The following CDH4 variants were observed in gnomAD, a reference collection of about 807,000 sequenced individuals.
CDH4 encodes the protein cadherin-4.
CDH4 carries 33 observed loss-of-function variants against 86.0 expected under a neutral mutation model. The ratio of observed to expected loss-of-function variants is 0.38; its 90% CI spans 0.29 to 0.51. The LOEUF is 0.51. Ranked by LOEUF, CDH4 falls within the 20% of genes least tolerant of loss-of-function variation. CDH4 has a pLI of 0.86. For synonymous variants in CDH4, 555 were observed against 549.4 expected (o/e 1.01, Z -0.14); for missense variants, 1,114 against 1,307.4 (o/e 0.85, Z 2.28).
At chr20:61,702,094 C>A (rs762681854) in intron 2 of CDH4, among the ~76,000 whole-genome samples, 35 of 152,188 alleles carry the variant, frequency 2.3e-4, no homozygotes, top group Non-Finnish European at 3.8e-4. Flanking sequence ...GGGAAGAAAG[C>A]GTCTTCTTCA....
intron 2 of CDH4, among the ~76,000 whole-genome samples, chr20:61,716,037 GTGC>G (rs2087948931): frequency 1.3e-5 from 2 of 152,236 alleles, no homozygotes; most frequent in Non-Finnish European, 2.9e-5. Flanking sequence ...AGCAGCCCCA[GTGC>G]CAGCTGGGGC....
chr20:61,457,960 A>G (rs563866435), intron 2 of CDH4, among the ~76,000 whole-genome samples: 1 of 144,436 alleles, frequency 6.9e-6, no homozygotes, highest in South Asian at 2.2e-4. Context: ...TGGTGATGGT[A>G]TAGTCATGGT....
At chr20:61,823,399 G>GTGA (rs777905914) in intron 4 of CDH4, among the ~76,000 whole-genome samples, 1 of 151,012 alleles carries the variant, frequency 6.6e-6, no homozygotes, top group East Asian at 2.0e-4. Flanking sequence ...GAATAATAAT[G>GTGA]TGATGATGAT....
intron 7 of CDH4, among the ~76,000 whole-genome samples, chr20:61,891,925 G>A (rs1340751252): frequency 1.3e-5 from 2 of 152,120 alleles, no homozygotes; most frequent in Non-Finnish European, 2.9e-5. Flanking sequence ...CCAGGTGGCA[G>A]TGGCTTACAC....
At chr20:61,366,957 T>C (rs73134330) in intron 2 of CDH4, among the ~76,000 whole-genome samples, 26,769 of 151,932 alleles carry the variant, frequency 0.18, 3,034 homozygotes, top group East Asian at 0.36. Flanking sequence ...CAACTGGAGC[T>C]TGGGCCCTTT....
chr20:61,437,244 A>C (rs866283233), intron 2 of CDH4: 1 of 152,290 alleles, frequency 6.6e-6, no homozygotes, highest in Non-Finnish European at 1.5e-5. Flanking sequence ...TCGTCTAGCA[A>C]GATCCTAGGC....
chr20:61,658,771 C>A (rs74317710), intron 2 of CDH4, among the ~76,000 whole-genome samples: 2 of 152,290 alleles, frequency 1.3e-5, no homozygotes, highest in South Asian at 2.1e-4. Flanking sequence ...ACCACCCCCC[C>A]ACTCCCAGGC....
intron 2 of CDH4, among the ~76,000 whole-genome samples, chr20:61,508,411 T>C (rs114020103): frequency 0.021 from 3,241 of 152,228 alleles, 120 homozygotes; most frequent in African/African-American, 0.071. Flanking sequence ...CCCCAACCCA[T>C]TGGCTGGCTG....
At chr20:61,425,728 G>A (rs961183699) in intron 2 of CDH4, among the ~76,000 whole-genome samples, 11 of 152,146 alleles carry the variant, frequency 7.2e-5, no homozygotes, top group African/African-American at 2.7e-4. Flanking sequence ...CAAAGGCCCC[G>A]CCCAGGGCAG....
chr20:61,435,420 G>C (rs189408334), intron 2 of CDH4, among the ~76,000 whole-genome samples: 13 of 152,378 alleles, frequency 8.5e-5, no homozygotes, highest in African/African-American at 1.7e-4. Flanking sequence ...AGATCCCTAG[G>C]GGGGCTCTGC....
At chr20:61,589,964 A>C (rs1485238310) in intron 2 of CDH4, among the ~76,000 whole-genome samples, 1 of 151,894 alleles carries the variant, frequency 6.6e-6, no homozygotes, top group Non-Finnish European at 1.5e-5. Context: ...CCAGGAGGCC[A>C]GGGTCGGGAA....
chr20:61,685,226 C>T (rs2087561185), intron 2 of CDH4, among the ~76,000 whole-genome samples: 2 of 152,172 alleles, frequency 1.3e-5, no homozygotes. Flanking sequence ...TAAGGGTCTC[C>T]CATGCGGTTT....
intron 2 of CDH4, among the ~76,000 whole-genome samples, chr20:61,665,980 G>A (rs2145838483): frequency 6.6e-6 from 1 of 152,306 alleles, no homozygotes; most frequent in East Asian, 1.9e-4. Context: ...TCTGGGCGGG[G>A]TCCAGGTGGG....
At chr20:61,258,484 G>T (rs1233828522) in intron 2 of CDH4, among the ~76,000 whole-genome samples, 1 of 152,238 alleles carries the variant, frequency 6.6e-6, no homozygotes, top group East Asian at 1.9e-4. Context: ...CCTTACTGGA[G>T]AACTTACATT....
In CDH4 at chr20:61,353,470, G is replaced by A. The variant is rs188474884; in HGVS notation, c.169+98533G>A. On this transcript the variant is annotated intron_variant, in intron 2 of 15. Coordinates refer to ENST00000614565, the MANE Select transcript of CDH4 (RefSeq NM_001794.5). ...CGTTATCTAACTCTTTACCTTGTAAGCTGCCTTAATACACTGAGCCTTGCA... is the reference window on the plus strand; with the variant it reads ...CGTTATCTAACTCTTTACCTTGTAAACTGCCTTAATACACTGAGCCTTGCA... Among the ~76,000 whole-genome samples the A allele has an allele frequency of 3.9e-3, 590 of 152,102 alleles. 1 individual carries two copies. Among genetic ancestry groups the A allele is most frequent in the South Asian group, 0.01 (49 of 4,812 alleles).
chr20:61,731,862 G>A (rs989326310), intron 2 of CDH4, among the ~76,000 whole-genome samples: 9 of 152,166 alleles, frequency 5.9e-5, no homozygotes, highest in African/African-American at 1.2e-4. Context: ...ACAGCCTGGC[G>A]GGGATGCCTC....
At chr20:61,446,929 A>G (rs545233643) in intron 2 of CDH4, among the ~76,000 whole-genome samples, 16 of 152,140 alleles carry the variant, frequency 1.1e-4, no homozygotes, top group East Asian at 1.9e-4. Context: ...TTTATTGCCA[A>G]TTGTTTATTG....
intron 2 of CDH4, among the ~76,000 whole-genome samples, chr20:61,302,037 T>A (rs975938477): frequency 6.6e-6 from 1 of 152,220 alleles, no homozygotes; most frequent in Non-Finnish European, 1.5e-5. Flanking sequence ...AACTTAAGTA[T>A]TTAAAGGCTA....
intron 2 of CDH4, among the ~76,000 whole-genome samples, chr20:61,386,295 G>A (rs1253958341): frequency 6.6e-6 from 1 of 152,110 alleles, no homozygotes; most frequent in African/African-American, 2.4e-5. Flanking sequence ...CAAAGGCATG[G>A]CCTCCCTGAT....
Sources: allele counts gnomAD v4.1 joint callset (sites outside exome capture counted in the v4.1 genomes callset), GRCh38; gene constraint gnomAD v4.1.1; transcripts MANE v1.5; gene names NCBI Gene and HGNC (gene_info 2026-07-23, HGNC 2026-07-21).